RBM6: variants seen among roughly 807,000 people sequenced by gnomAD.
RBM6 encodes RNA binding motif protein 6, also known as RNA-binding protein 6.
A neutral mutation model predicts 140.4 loss-of-function variants in RBM6; 23 were observed. The observed-to-expected ratio is 0.16, with a 90% CI of 0.12 to 0.23. The LOEUF (loss-of-function observed/expected upper bound fraction) is 0.23, where lower values mean the gene tolerates loss of function less well. RBM6 is among the 10% of genes least tolerant of loss of function. The pLI is 1.00. For synonymous variants in RBM6, 439 were observed against 475.6 expected, an observed-to-expected ratio of 0.92 and a Z score of 1.00; for missense variants, 1,139 against 1,386.7, an observed-to-expected ratio of 0.82 and a Z score of 2.84.
intron 7 of RBM6, among the ~76,000 whole-genome samples, chr3:50,051,887 A>T (rs970391411): frequency 2.0e-5 from 3 of 152,242 alleles, no homozygotes; most frequent in African/African-American, 7.2e-5. Context: ...ACTATGCCAG[A>T]CACAGAAGAC....
At chr3:50,006,257 T>A (rs1001936421) in intron 6 of RBM6, among the ~76,000 whole-genome samples, 12 of 150,866 alleles carry the variant, frequency 8.0e-5, no homozygotes, top group African/African-American at 2.9e-4. Context: ...TGCCTTAGCC[T>A]CCCGAGTAAC....
intron 5 of RBM6, among the ~76,000 whole-genome samples, chr3:49,988,136 G>A (rs1433968921): frequency 6.6e-6 from 1 of 152,034 alleles, no homozygotes; most frequent in Non-Finnish European, 1.5e-5. Flanking sequence ...GTTGTGTTGG[G>A]CCTACTGCTT....
chr3:49,962,619 TG>T lies in RBM6; in HGVS notation c.-19del, dbSNP rs763612437. 1.3e-6 allele frequency: 2 copies of T among 1,587,646 alleles called. No individual in the cohort carries two copies. The highest frequency in any genetic ancestry group is 1.9e-5 in the Admixed American group (1 of 53,100). Reference sequence around the variant, plus strand: ...TTTGGTAGAAAAAGGATTTACTTGTTGGGGCCCTCTTGATAAAAAGAGATGT... The same window carrying T: ...TTTGGTAGAAAAAGGATTTACTTGTTGGGCCCTCTTGATAAAAAGAGATGT... On this transcript the variant is annotated 5_prime_UTR_variant, in exon 2 of 21. Transcript: ENST00000266022.
Position 50,054,277 on chromosome 3 carries a change from A to G in RBM6, c.1633-58A>G, listed in dbSNP as rs368756829. 53 of 1,385,196 alleles carry G rather than the reference A, an allele frequency of 3.8e-5. No homozygotes were observed. In the East Asian group the frequency reaches 7.5e-4, roughly 20 times the overall value. The allele number at this position is 1,385,196 out of a possible 1,614,324, so 85.8% of individuals were successfully genotyped here. A position where few individuals can be genotyped will look rare whatever the true frequency, so the allele number is the denominator to read the frequency against. ...TTTTTGGGGGGTTTCACTTTGTTAG[A>G]TATACATAAGATTTTTAAAAATGTT... On this transcript the variant is annotated intron_variant, in intron 7 of 20. Transcript: ENST00000266022.
At position 50,006,773 on chromosome 3, in the gene RBM6, A is replaced by G. The variant is rs190342601; in HGVS notation, c.1557+7260A>G. 2.1e-3 allele frequency among the ~76,000 whole-genome samples: 317 copies of G among 152,058 alleles called. 3 individuals carry two copies. Among genetic ancestry groups the G allele is most frequent in the South Asian group, 0.016 (76 of 4,810 alleles). On this transcript the variant is annotated intron_variant, in intron 6 of 20. Transcript: ENST00000266022. ...TGGTGAAACCCCGTCTCTACTAAAA[A>G]TACAAAAAAATTAGCTGGGCGTGGT...
chr3:50,071,569 G>C (rs1364024525), intron 19 of RBM6, among the ~76,000 whole-genome samples: 1 of 152,186 alleles, frequency 6.6e-6, no homozygotes, highest in Non-Finnish European at 1.5e-5. Flanking sequence ...TGAGGAAGGA[G>C]GATCTCTTGA....
At position 49,967,051 on chromosome 3, in the gene RBM6, A is replaced by T. The variant is rs1218823017; in HGVS notation, c.45-419A>T. 1 of 194,642 alleles carries T rather than the reference A, an allele frequency of 5.1e-6. No individual in the cohort carries two copies. Among genetic ancestry groups the T allele is most frequent in the Non-Finnish European group, 9.7e-6 (1 of 102,696 alleles). 12.1% of individuals were successfully genotyped at this position (194,642 alleles called of 1,614,324 possible). ...ATACCTCCTGAAACTTACTGTAAGA[A>T]ATTTACAGTGCATTGATTTTTCTGA... On this transcript the variant is annotated intron_variant, in intron 2 of 20. Coordinates refer to ENST00000266022, the MANE Select transcript of RBM6 (RefSeq NM_005777.3). The surrounding 1 kb of genome is among the most constrained non-coding windows in gnomAD (Gnocchi z 4.0).
chr3:49,943,302 A>T (rs1034060364), intron 1 of RBM6, among the ~76,000 whole-genome samples: 7 of 150,916 alleles, frequency 4.6e-5, no homozygotes, highest in African/African-American at 1.7e-4. Flanking sequence ...ATTATTAATT[A>T]TTTTATTTAT....
At chr3:49,947,327 G>A (rs2083541293) in intron 1 of RBM6, among the ~76,000 whole-genome samples, 2 of 151,514 alleles carry the variant, frequency 1.3e-5, no homozygotes, top group Non-Finnish European at 1.5e-5. Context: ...CTGCTCAGGA[G>A]GCTGAGGTAG....
chr3:50,021,779 G>A (rs1267564583), intron 6 of RBM6, among the ~76,000 whole-genome samples: 2 of 64,930 alleles, frequency 3.1e-5, no homozygotes, highest in African/African-American at 5.9e-5. Context: ...TTGAGACAGA[G>A]TCTCACTTTG....
intron 1 of RBM6, among the ~76,000 whole-genome samples, chr3:49,959,313 T>C (rs1263778867): frequency 2.1e-5 from 3 of 145,282 alleles, no homozygotes; most frequent in African/African-American, 7.6e-5. Context: ...CTCAGCCTCG[T>C]GAGTAGCTGG....
chr3:50,048,443 T>G (rs1575806209), intron 7 of RBM6, 124 bp downstream of exon 7: 2 of 1,474,328 alleles, frequency 1.4e-6, no homozygotes, highest in East Asian at 5.0e-5. Context: ...TCAGGTCACT[T>G]CAGTTGAACA....
rs375602445 is a variant in RBM6, at chr3:50,018,789, A to C, written c.1557+19276A>C. On this transcript the variant is annotated intron_variant, in intron 6 of 20. Coordinates refer to ENST00000266022, the MANE Select transcript of RBM6 (RefSeq NM_005777.3). Reference sequence around the variant, plus strand: ...TATTTTTAGTAGAGACAGGGTTTCAACATGTTGGCCAGGATGGTCTTGATC... The same window carrying C: ...TATTTTTAGTAGAGACAGGGTTTCACCATGTTGGCCAGGATGGTCTTGATC... 1.2e-4 allele frequency among the ~76,000 whole-genome samples: 18 copies of C among 151,744 alleles called. No individual in the cohort carries two copies. The East Asian group carries it at 2.3e-3, about 20-fold the overall frequency.
intron 6 of RBM6, among the ~76,000 whole-genome samples, chr3:50,042,829 G>C (rs1404163631): frequency 6.6e-6 from 1 of 152,060 alleles, no homozygotes; most frequent in African/African-American, 2.4e-5. Context: ...TCAACACTCT[G>C]ACCCTAGTCC....
intron 6 of RBM6, among the ~76,000 whole-genome samples, chr3:50,027,365 T>TA (rs1020696095): frequency 3.3e-5 from 5 of 152,232 alleles, no homozygotes; most frequent in African/African-American, 4.8e-5. Flanking sequence ...ACATAAAACT[T>TA]ACCTCTTTCA....
intron 6 of RBM6, among the ~76,000 whole-genome samples, chr3:50,026,802 A>G (rs1418408464): frequency 6.7e-6 from 1 of 148,668 alleles, no homozygotes; most frequent in Non-Finnish European, 1.5e-5. Context: ...AGTCCCAGCT[A>G]TTGGGGAAGC....
At chr3:49,988,386 G>A (rs896372138) in intron 5 of RBM6, among the ~76,000 whole-genome samples, 6 of 151,444 alleles carry the variant, frequency 4.0e-5, no homozygotes, top group South Asian at 4.2e-4. Flanking sequence ...TCAAACAACC[G>A]TCCTGCCTTG....
At chr3:50,005,790 T>A (rs2086543346) in intron 6 of RBM6, among the ~76,000 whole-genome samples, 1 of 152,206 alleles carries the variant, frequency 6.6e-6, no homozygotes, top group Non-Finnish European at 1.5e-5. Flanking sequence ...AACTTATGGC[T>A]GGAATCATGC....
chr3:49,955,846 C>G (rs910580716), intron 1 of RBM6, among the ~76,000 whole-genome samples: 7 of 128,344 alleles, frequency 5.5e-5, no homozygotes, highest in South Asian at 2.3e-4. Flanking sequence ...CTCTCTGTGT[C>G]TCTCTCTCTC....
Sources: allele counts gnomAD v4.1 joint callset (sites outside exome capture counted in the v4.1 genomes callset), GRCh38; gene constraint gnomAD v4.1.1; non-coding constraint Gnocchi (gnomAD v3.1); transcripts MANE v1.5; gene names NCBI Gene and HGNC (gene_info 2026-07-23, HGNC 2026-07-21).